Variants in C19orf47 observed in about 807,000 individuals in gnomAD.
C19orf47 encodes the protein chromosome 19 open reading frame 47.
In C19orf47, 18 loss-of-function variants were observed where a neutral mutation model predicts 32.3. The ratio of observed to expected loss-of-function variants is 0.56; its 90% CI spans 0.39 to 0.83. The LOEUF (loss-of-function observed/expected upper bound fraction) is 0.83, where lower values mean the gene tolerates loss of function less well. Ranked by LOEUF, C19orf47 falls within the 40% of genes least tolerant of loss-of-function variation. The pLI is 0.00. For synonymous variants in C19orf47, 202 were observed against 211.1 expected, an observed-to-expected ratio of 0.96 and a Z score of 0.37; for missense variants, 484 against 531.6, an observed-to-expected ratio of 0.91 and a Z score of 0.88.
At chr19:40,330,290 G>A (rs1438955453) in intron 5 of C19orf47, among the ~76,000 whole-genome samples, 5 of 150,414 alleles carry the variant, frequency 3.3e-5, no homozygotes, top group Admixed American at 1.3e-4. Context: ...GTGCAGTGGC[G>A]CGATCTTGAC....
chr19:40,326,435 C>T lies in C19orf47; in HGVS notation c.491G>A (p.Arg164His), dbSNP rs754738481. Residue 164 changes from arginine to histidine, a missense_variant, in exon 7 of 9, where the codon CGC becomes CAC. By Grantham distance (29) the Arg-to-His change is conservative (BLOSUM62 0). Coordinates refer to ENST00000683109, the MANE Select transcript of C19orf47 (RefSeq NM_001256441.2). ...CCCCTCCATCTCAGCAGTGACCCGG[C>T]GCCGCTTGGCAGGAACAGCCAGGCT... is the stretch of plus-strand genomic sequence containing the variant. ...EESLAVPAKR[R>H]RVTAEMEGKY... 9.3e-6 allele frequency: 15 copies of T among 1,613,986 alleles called. No homozygotes were observed. Among genetic ancestry groups the T allele is most frequent in the South Asian group, 5.5e-5 (5 of 91,084 alleles).
intron 8 of C19orf47, among the ~76,000 whole-genome samples, chr19:40,323,271 C>T (rs376778042): frequency 2.7e-4 from 41 of 152,350 alleles, no homozygotes; most frequent in Non-Finnish European, 1.2e-4. Flanking sequence ...CAACAGGCGC[C>T]GCACACCCCA....
intron 5 of C19orf47, 92 bp downstream of exon 5, chr19:40,333,759 A>C: frequency 9.2e-7 from 1 of 1,092,220 alleles, no homozygotes; most frequent in Non-Finnish European, 1.3e-6. Flanking sequence ...TACCTTTGAA[A>C]ATTACAGGCG....
intron 5 of C19orf47, among the ~76,000 whole-genome samples, chr19:40,330,909 T>C (rs959342498): frequency 3.3e-5 from 5 of 152,078 alleles, no homozygotes; most frequent in African/African-American, 1.2e-4. Context: ...CTGGAGACAA[T>C]GTGGTGGCTG....
Position 40,341,907 on chromosome 19 carries a change from G to A in C19orf47, c.-33-17C>T, listed in dbSNP as rs1172262344. 4 of 1,536,194 alleles carry A rather than the reference G, an allele frequency of 2.6e-6. No individual in the cohort carries two copies. The highest frequency in any genetic ancestry group is 2.6e-6 in the Non-Finnish European group (3 of 1,146,858). ...CCCTGGAGCCTGAAAGAGAAGAGAG[G>A]AGAGAGCCCATGAGCTGCTGCCGGC... is the stretch of plus-strand genomic sequence containing the variant. On this transcript the variant is annotated splice_polypyrimidine_tract_variant and intron_variant, in intron 1 of 8. Coordinates refer to ENST00000683109, the MANE Select transcript of C19orf47 (RefSeq NM_001256441.2).
chr19:40,339,819 A>T (rs776493549), intron 2 of C19orf47, among the ~76,000 whole-genome samples: 3 of 151,974 alleles, frequency 2.0e-5, no homozygotes, highest in Admixed American at 2.0e-4. Flanking sequence ...TAAAAATACA[A>T]AATTAGCCAG....
At chr19:40,308,164 T>A in the C19orf47 span, among the ~76,000 whole-genome samples, 2 of 151,936 alleles carry the variant, frequency 1.3e-5, no homozygotes, top group African/African-American at 4.8e-5. Flanking sequence ...ATTTATTTAT[T>A]TATTTATTTA....
chr19:40,324,372 C>T (rs2077785273), intron 7 of C19orf47: 4 of 444,384 alleles, frequency 9.0e-6, no homozygotes. Context: ...GTTCCTTTCA[C>T]TTCTTGGGGT....
chr19:40,329,238 G>A (rs766631398), intron 5 of C19orf47, among the ~76,000 whole-genome samples: 3 of 152,092 alleles, frequency 2.0e-5, no homozygotes, highest in Admixed American at 6.6e-5. Flanking sequence ...ACAGGCACAA[G>A]GGCGCATGCC....
At chr19:40,295,179 G>A in the C19orf47 span, among the ~76,000 whole-genome samples, 2 of 151,732 alleles carry the variant, frequency 1.3e-5, no homozygotes, top group African/African-American at 4.8e-5. Context: ...CTGCTACCAC[G>A]CCCAGCTAAT....
chr19:40,335,820 A>T (rs899485461), intron 4 of C19orf47, among the ~76,000 whole-genome samples: 5 of 152,182 alleles, frequency 3.3e-5, no homozygotes, highest in Non-Finnish European at 5.9e-5. Context: ...CGTGTTAGCC[A>T]GGATGGTCTC....
chr19:40,301,392 G>C, the C19orf47 span, among the ~76,000 whole-genome samples: 1 of 149,844 alleles, frequency 6.7e-6, no homozygotes, highest in African/African-American at 2.5e-5. Context: ...CCAGGCTGGA[G>C]TGCAGTGGCA....
intron 1 of C19orf47, 112 bp downstream of exon 1, chr19:40,348,212 A>G: frequency 1.5e-6 from 1 of 674,408 alleles, no homozygotes; most frequent in Non-Finnish European, 2.1e-6. Context: ...TCAAAGAAAC[A>G]AATCGTAAGT....
intron 1 of C19orf47, among the ~76,000 whole-genome samples, chr19:40,342,770 A>G (rs143615784): frequency 3.1e-4 from 47 of 152,284 alleles, no homozygotes; most frequent in African/African-American, 1.0e-3. Context: ...GTGTTCCAGA[A>G]GAAGGTACAG....
intron 7 of C19orf47, among the ~76,000 whole-genome samples, chr19:40,325,384 T>C (rs1185896097): frequency 6.6e-6 from 1 of 151,902 alleles, no homozygotes; most frequent in East Asian, 1.9e-4. Context: ...TCCTAGCAAT[T>C]TGGAAAGGTG....
chr19:40,341,046 T>A (rs1442909102), intron 2 of C19orf47, among the ~76,000 whole-genome samples: 1 of 147,410 alleles, frequency 6.8e-6, no homozygotes, highest in African/African-American at 2.5e-5. Context: ...ACAAATATAT[T>A]TTATGGGCCA....
At position 40,326,433 on chromosome 19, in the gene C19orf47, G is replaced by A. The variant is rs779527109; in HGVS notation, c.493C>T (p.Arg165Trp). 53 of 1,613,982 alleles carry A rather than the reference G, an allele frequency of 3.3e-5. No individual in the cohort carries two copies. Among genetic ancestry groups the A allele is most frequent in the South Asian group, 1.4e-4 (13 of 91,078 alleles). The change falls in exon 7 of 9, where the codon CGG (arginine) becomes TGG (tryptophan). Residue 165 changes from arginine to tryptophan, a missense_variant. Arg to Trp is a moderately radical substitution (Grantham distance 101, BLOSUM62 -3). This residue lies in a region of C19orf47 where 376 missense variants were observed against 370.2 expected (regional missense o/e 1.02). Coordinates refer to ENST00000683109, the MANE Select transcript of C19orf47 (RefSeq NM_001256441.2). ...TTCCCCTCCATCTCAGCAGTGACCC[G>A]GCGCCGCTTGGCAGGAACAGCCAGG... ...ESLAVPAKRR[R>W]VTAEMEGKYV... is the part of the protein sequence containing the mutation.
chr19:40,342,654 AGGGAG>A (rs952257975), intron 1 of C19orf47, among the ~76,000 whole-genome samples: 6 of 152,160 alleles, frequency 3.9e-5, no homozygotes, highest in Admixed American at 6.6e-5. Flanking sequence ...GGACCTGGGA[AGGGAG>A]GGGTTGTAAT....
chr19:40,328,178 T>C (rs2077872235), intron 6 of C19orf47, among the ~76,000 whole-genome samples: 1 of 152,108 alleles, frequency 6.6e-6, no homozygotes, highest in African/African-American at 2.4e-5. Flanking sequence ...ACTCAGGTGC[T>C]TCTGTCCATC....
Sources: allele counts gnomAD v4.1 joint callset (sites outside exome capture counted in the v4.1 genomes callset), GRCh38; gene constraint gnomAD v4.1.1; regional missense constraint gnomAD v4.1.1; transcripts MANE v1.5; gene names NCBI Gene and HGNC (gene_info 2026-07-23, HGNC 2026-07-21).